Variants in MDP1 observed in about 807,000 individuals in gnomAD.
MDP1 encodes magnesium dependent phosphatase 1.
In MDP1, 18 loss-of-function variants were observed where a neutral mutation model predicts 21.6. The ratio of observed to expected loss-of-function variants is 0.83; its 90% CI spans 0.58 to 1.24. MDP1 has a LOEUF of 1.24. Ranked by LOEUF, MDP1 falls within the 50% of genes most tolerant of loss-of-function variation. The pLI, the probability that MDP1 is intolerant of heterozygous loss-of-function variation, is 0.00. For synonymous variants in MDP1, 101 were observed against 83.2 expected (o/e 1.21, Z -1.16); for missense variants, 207 against 218.6 (o/e 0.95, Z 0.33).
chr14:24,215,670 G>A lies in MDP1; in HGVS notation c.99-8C>T. On this transcript the variant is annotated splice_polypyrimidine_tract_variant and splice_region_variant and intron_variant, in intron 2 of 5. Transcript: ENST00000288087. ...TCTCGTACAGTTCCATCACTGGAGAGGGCAAGAGTGCGCTCAGCCCTGGCT... is the reference window on the plus strand; with the variant it reads ...TCTCGTACAGTTCCATCACTGGAGAAGGCAAGAGTGCGCTCAGCCCTGGCT... The A allele has an allele frequency of 6.2e-7, 1 of 1,614,202 alleles. No individual in the cohort carries two copies. The highest frequency in any genetic ancestry group is 8.5e-7 in the Non-Finnish European group (1 of 1,180,028).
rs769252140 is a variant in MDP1, at chr14:24,215,906, T to A, written c.37+13A>T. The A allele has an allele frequency of 6.2e-7, 1 of 1,614,162 alleles. No individual in the cohort carries two copies. Among genetic ancestry groups the A allele is most frequent in the Admixed American group, 1.7e-5 (1 of 60,018 alleles). On this transcript the variant is annotated intron_variant, in intron 1 of 5. Transcript: ENST00000288087. ...AGAGCACCTTACGAAATTCTCCCCT[T>A]CCCGTCCCTCACCCAAATCAAAGAC...
rs758186178 is a variant in MDP1, at chr14:24,215,794, T to C, written c.41A>G (p.Tyr14Cys). 3.7e-6 allele frequency: 6 copies of C among 1,614,110 alleles called. No homozygotes were observed. Among genetic ancestry groups the C allele is most frequent in the Non-Finnish European group, 5.1e-6 (6 of 1,180,026 alleles). ...LPKLAVFDLDYTLWPFWVDTH... is the reference protein window; with the variant it reads ...LPKLAVFDLDCTLWPFWVDTH... ...GTCGACCCAGAAAGGCCAGAGAGTG[T>C]AATCTGCGAGAGGAAGGAGAGGGAA... Residue 14 changes from tyrosine to cysteine, a missense_variant, in exon 2 of 6, where the codon TAC (tyrosine) becomes TGC (cysteine). Physicochemically the swap from Tyr to Cys is radical, Grantham distance 194 (BLOSUM62 -2). Transcript: ENST00000288087.
intron 3 of MDP1, among the ~76,000 whole-genome samples, chr14:24,215,063 T>C (rs1040379063): frequency 1.3e-5 from 2 of 148,388 alleles, no homozygotes. Context: ...CAGGTGTGAG[T>C]CACTGTGTCT....
In MDP1 at chr14:24,215,576, C is replaced by A. The variant is rs536189685; in HGVS notation, c.185G>T (p.Gly62Val). The change falls in exon 3 of 6, where the codon GGG (glycine) becomes GTG (valine). Residue 62 changes from glycine to valine, a missense_variant. Physicochemically the swap from Gly to Val is moderately radical, Grantham distance 109. Coordinates refer to ENST00000288087, the MANE Select transcript of MDP1 (RefSeq NM_138476.4). ...CCTTGAAGCAGCCGCACCGGGCACCCCAAGGCTCTGCAATCGTTTTAGGAC... is the reference window on the plus strand; with the variant it reads ...CCTTGAAGCAGCCGCACCGGGCACCACAAGGCTCTGCAATCGTTTTAGGAC... ...PEVLKRLQSLGVPGAAASRTS... is the reference protein window; with the variant it reads ...PEVLKRLQSLVVPGAAASRTS... 3 of 1,614,196 alleles carry A rather than the reference C, an allele frequency of 1.9e-6. No individual in the cohort carries two copies. Among genetic ancestry groups the A allele is most frequent in the Non-Finnish European group, 2.5e-6 (3 of 1,180,040 alleles).
Position 24,216,022 on chromosome 14 carries a change from C to T in MDP1, c.-67G>A. ...CCCGGGGCCTTAGAGAGTGCGGAACCTCCGGCAGCTAAGGCAGCCACCCTG... is the reference window on the plus strand; with the variant it reads ...CCCGGGGCCTTAGAGAGTGCGGAACTTCCGGCAGCTAAGGCAGCCACCCTG... On this transcript the variant is annotated 5_prime_UTR_variant, in exon 1 of 6. Coordinates refer to ENST00000288087, the MANE Select transcript of MDP1 (RefSeq NM_138476.4). 1.2e-6 allele frequency: 2 copies of T among 1,605,916 alleles called. No homozygotes were observed. The highest frequency in any genetic ancestry group is 2.2e-5 in the East Asian group (1 of 44,782).
At chr14:24,215,077 CCCA>C (rs1332094088) in intron 3 of MDP1, among the ~76,000 whole-genome samples, 7 of 148,184 alleles carry the variant, frequency 4.7e-5, no homozygotes, top group Non-Finnish European at 1.0e-4. Flanking sequence ...TGTGTCTGGC[CCCA>C]CTTTTTTTTT....
chr14:24,214,288 G>A, intron 5 of MDP1, 22 bp downstream of exon 5: 1 of 1,614,078 alleles, frequency 6.2e-7, no homozygotes, highest in Non-Finnish European at 8.5e-7. Context: ...ACCCCAAATG[G>A]CTGTTCCTCA....
chr14:24,215,564 G>A lies in MDP1; in HGVS notation c.197C>T (p.Ala66Val), dbSNP rs17101962. ...KRLQSLGVPGAAASRTSEIEG... is the reference protein window; with the variant it reads ...KRLQSLGVPGVAASRTSEIEG... ...TCGCTCTTCTTACCTTGAAGCAGCC[G>A]CACCGGGCACCCCAAGGCTCTGCAA... is the stretch of plus-strand genomic sequence containing the variant. Residue 66 changes from alanine to valine, a missense_variant, in exon 3 of 6, where the codon GCG becomes GTG. Physicochemically the swap from Ala to Val is moderately conservative, Grantham distance 64. Coordinates refer to ENST00000288087, the MANE Select transcript of MDP1 (RefSeq NM_138476.4). 6.2e-7 allele frequency: 1 copy of A among 1,614,124 alleles called. No individual in the cohort carries two copies. The highest frequency in any genetic ancestry group is 1.1e-5 in the South Asian group (1 of 91,076).
chr14:24,214,190 G>T, intron 5 of MDP1, 39 bp from the exon 6 acceptor site: 2 of 1,607,474 alleles, frequency 1.2e-6, no homozygotes, highest in South Asian at 1.1e-5. Context: ...AAGCTTTCAG[G>T]GTTCTCCATT....
At position 24,216,002 on chromosome 14, in the gene MDP1, G is replaced by A. The variant is rs564741728; in HGVS notation, c.-47C>T. 274 of 1,613,102 alleles carry A rather than the reference G, an allele frequency of 1.7e-4. 2 individuals are homozygous for A. In the South Asian group the frequency reaches 3.0e-3, roughly 18 times the overall value. On this transcript the variant is annotated 5_prime_UTR_variant, in exon 1 of 6. Transcript: ENST00000288087. Reference sequence around the variant, plus strand: ...GCAGCAGAGGTGGGGCTTCACCCGGGGCCTTAGAGAGTGCGGAACCTCCGG... The same window carrying A: ...GCAGCAGAGGTGGGGCTTCACCCGGAGCCTTAGAGAGTGCGGAACCTCCGG...
rs138850449 is a variant in MDP1 at position 24,215,941 on chromosome 14, C to T, written c.15G>A (p.Pro5=). MARL[P]KLAVFDLDYT... ...CACCCAAATCAAAGACTGCCAGCTT[C>T]GGTAGCCGCGCCATGACCCGCACCG... is the stretch of plus-strand genomic sequence containing the variant. Residue 5 remains proline, a synonymous_variant, in exon 1 of 6, where the codon CCG becomes CCA. Coordinates refer to ENST00000288087, the MANE Select transcript of MDP1 (RefSeq NM_138476.4). The T allele has an allele frequency of 5.6e-5, 91 of 1,614,092 alleles. No homozygotes were observed. The African/African-American group carries it at 9.9e-4, about 18-fold the overall frequency.
At chr14:24,215,506 T>C (rs1594476124) in intron 3 of MDP1, 46 bp downstream of exon 3, 1 of 1,599,498 alleles carries the variant, frequency 6.3e-7, no homozygotes, top group East Asian at 2.2e-5. Flanking sequence ...GTCTCTTGCA[T>C]GCACCCTTCA....
chr14:24,215,624 C>A lies in MDP1; in HGVS notation c.137G>T (p.Arg46Leu). ...TVRDRRGQDV[R>L]LYPEVPEVLK... ...GACCTCAGGCACCTCTGGGTACAGTCGGACGTCTTGGCCCCGCCTATCTCG... is the reference window on the plus strand; with the variant it reads ...GACCTCAGGCACCTCTGGGTACAGTAGGACGTCTTGGCCCCGCCTATCTCG... The change falls in exon 3 of 6, where the codon CGA becomes CTA. Residue 46 changes from arginine to leucine, a missense_variant. Transcript: ENST00000288087. The A allele has an allele frequency of 6.2e-7, 1 of 1,614,154 alleles. No homozygotes were observed. The highest frequency in any genetic ancestry group is 8.5e-7 in the Non-Finnish European group (1 of 1,180,038).
chr14:24,214,141 G>A lies in MDP1; in HGVS notation c.414C>T (p.Cys138=). 1 of 1,612,042 alleles carries A rather than the reference G, an allele frequency of 6.2e-7. No homozygotes were observed. Among genetic ancestry groups the A allele is most frequent in the Non-Finnish European group, 8.5e-7 (1 of 1,179,224 alleles). ...GATTCATTCCATTCTGGATGTGAAT[G>A]CAGGTAACACCTAGAAAGATAAGAA... ...IVDVSKLGVT[C]IHIQNGMNLQ... Residue 138 remains cysteine, a synonymous_variant, in exon 6 of 6, where the codon TGC becomes TGT. Transcript: ENST00000288087.
rs1256864628 is a variant in MDP1 at position 24,214,482 on chromosome 14, C to T, written c.317+10G>A. ...CTTTCTCACCCTGCTCCTCCCTTATCTCCGCATACCTCTCAAAGTGTGTGA... is the reference window on the plus strand; with the variant it reads ...CTTTCTCACCCTGCTCCTCCCTTATTTCCGCATACCTCTCAAAGTGTGTGA... On this transcript the variant is annotated intron_variant, in intron 4 of 5. Transcript: ENST00000288087. 1.2e-6 allele frequency: 2 copies of T among 1,614,214 alleles called. No homozygotes were observed.
chr14:24,214,941 ATTT>A (rs11428547), intron 3 of MDP1, among the ~76,000 whole-genome samples: 3 of 137,022 alleles, frequency 2.2e-5, no homozygotes, highest in Non-Finnish European at 4.7e-5. Flanking sequence ...CGCCACTACA[ATTT>A]TTTTTTTTTT....
In MDP1 at chr14:24,215,746, T is replaced by C. The variant is rs765616109; in HGVS notation, c.89A>G (p.His30Arg). 65 of 1,614,032 alleles carry C rather than the reference T, an allele frequency of 4.0e-5. 1 individual carries two copies. Among genetic ancestry groups the C allele is most frequent in the South Asian group, 9.9e-5 (9 of 91,086 alleles). ...CCTGTCCCTACCTCACCTGCTCTTATGGAACGGAGGGTCTACGTGCGTGTC... is the reference window on the plus strand; with the variant it reads ...CCTGTCCCTACCTCACCTGCTCTTACGGAACGGAGGGTCTACGTGCGTGTC... ...WVDTHVDPPF[H>R]KSSDGTVRDR... The change falls in exon 2 of 6, where the codon CAT (histidine) becomes CGT (arginine). Residue 30 changes from histidine to arginine, a missense_variant. By Grantham distance (29) the His-to-Arg change is conservative. Transcript: ENST00000288087.
Position 24,214,264 on chromosome 14 carries a change from A to G in MDP1, c.403+46T>C, listed in dbSNP as rs772740993. The G allele has an allele frequency of 2.5e-6, 4 of 1,613,890 alleles. No individual in the cohort carries two copies. The South Asian group carries it at 3.3e-5, about 13-fold the overall frequency. On this transcript the variant is annotated intron_variant, in intron 5 of 5. Coordinates refer to ENST00000288087, the MANE Select transcript of MDP1 (RefSeq NM_138476.4). ...CTATCCAACCTGTATGTATCTACCT[A>G]ATCCCTCCTAGGGACCCCAAATGGC...
Position 24,215,882 on chromosome 14 carries a change from G to A in MDP1, c.37+37C>T, listed in dbSNP as rs764222237. ...CTGCTGTTAGGGATGTGGAAAAGGA[G>A]AGCACCTTACGAAATTCTCCCCTTC... On this transcript the variant is annotated intron_variant, in intron 1 of 5. Transcript: ENST00000288087. The A allele has an allele frequency of 7.2e-5, 116 of 1,614,084 alleles. 2 individuals are homozygous for A. In the Middle Eastern group the frequency reaches 8.2e-4, roughly 11 times the overall value.
Sources: gnomAD v4.1 joint callset for allele counts (sites outside exome capture counted in the v4.1 genomes callset) on GRCh38, gnomAD v4.1.1 for gene constraint, MANE v1.5 for transcripts, NCBI Gene and HGNC (gene_info 2026-07-23, HGNC 2026-07-21) for gene names.